The following TTC23L variants were observed in gnomAD, a reference collection of about 807,000 sequenced individuals.
The protein encoded by TTC23L is tetratricopeptide repeat protein 23-like.
Under a neutral mutation model 48.1 loss-of-function variants are expected in TTC23L, and 42 were observed. That is an observed-to-expected ratio of 0.87 (90% CI 0.68 to 1.13). The LOEUF (loss-of-function observed/expected upper bound fraction) is 1.13, where lower values mean the gene tolerates loss of function less well. Ranked by LOEUF, TTC23L falls within the 50% of genes most tolerant of loss-of-function variation. The pLI is 0.00. For synonymous variants in TTC23L, 159 were observed against 157.2 expected (o/e 1.01, Z -0.09); for missense variants, 391 against 421.0 (o/e 0.93, Z 0.62).
intron 4 of TTC23L, among the ~76,000 whole-genome samples, chr5:34,860,240 G>A (rs935263857): frequency 6.6e-6 from 1 of 152,060 alleles, no homozygotes; most frequent in African/African-American, 2.4e-5. Flanking sequence ...CCCCAGTGCA[G>A]CACACATACA....
the TTC23L span, chr5:34,924,883 C>T: frequency 1.9e-6 from 3 of 1,605,718 alleles, no homozygotes; most frequent in Middle Eastern, 1.6e-4. Flanking sequence ...AGAAATAGGA[C>T]CTCGTTTTGT....
chr5:34,911,550 G>A, the TTC23L span: 58 of 1,613,786 alleles, frequency 3.6e-5, no homozygotes, highest in South Asian at 5.8e-4. Context: ...CTGCTCTCAA[G>A]TACCTGAAAT....
At chr5:34,910,956 G>C in the TTC23L span, among the ~76,000 whole-genome samples, 2 of 152,142 alleles carry the variant, frequency 1.3e-5, no homozygotes, top group African/African-American at 4.8e-5. Context: ...GCCCTCCCTT[G>C]GGAAGCCAGC....
intron 9 of TTC23L, among the ~76,000 whole-genome samples, chr5:34,894,340 C>A (rs1763068521): frequency 3.9e-5 from 6 of 152,138 alleles, no homozygotes; most frequent in Middle Eastern, 3.4e-3. Context: ...ATAATATGGT[C>A]ATTCAAAGGC....
the TTC23L span, chr5:34,908,383 C>A: frequency 6.5e-6 from 1 of 153,842 alleles, no homozygotes; most frequent in African/African-American, 2.4e-5. Flanking sequence ...CCACGTTGGT[C>A]AGGCTGGTCT....
intron 2 of TTC23L, among the ~76,000 whole-genome samples, chr5:34,842,478 G>A (rs1041655221): frequency 2.6e-5 from 4 of 152,102 alleles, no homozygotes; most frequent in Non-Finnish European, 5.9e-5. Context: ...AAAGACAAGA[G>A]ACAAAAGAGT....
At chr5:34,922,374 A>C in the TTC23L span, 39 of 976,306 alleles carry the variant, frequency 4.0e-5, no homozygotes, top group Middle Eastern at 4.4e-4. Flanking sequence ...CTAGTGTTTC[A>C]TGTTAAGGGT....
intron 8 of TTC23L, among the ~76,000 whole-genome samples, chr5:34,878,462 C>T (rs144998217): frequency 1.8e-3 from 269 of 152,326 alleles, no homozygotes; most frequent in African/African-American, 6.4e-3. Flanking sequence ...ATAGATTCAA[C>T]TCAATTCCAA....
intron 10 of TTC23L, among the ~76,000 whole-genome samples, chr5:34,897,330 G>A (rs1580497845): frequency 6.6e-6 from 1 of 152,078 alleles, no homozygotes; most frequent in East Asian, 1.9e-4. Flanking sequence ...GTTGCAGTGA[G>A]CCGAGATTGT....
chr5:34,850,106 C>T, intron 3 of TTC23L, 79 bp from the exon 4 acceptor site: 1 of 1,502,074 alleles, frequency 6.7e-7, no homozygotes, highest in South Asian at 1.2e-5. Context: ...TGAATTCAGT[C>T]CTGTGTTCCA....
chr5:34,853,760 G>T (rs933933877), intron 4 of TTC23L, among the ~76,000 whole-genome samples: 1 of 152,196 alleles, frequency 6.6e-6, no homozygotes, highest in African/African-American at 2.4e-5. Context: ...AGAGACCCAT[G>T]GATTTGGCGG....
intron 9 of TTC23L, among the ~76,000 whole-genome samples, chr5:34,887,910 G>A (rs192812697): frequency 4.9e-4 from 74 of 152,320 alleles, no homozygotes; most frequent in African/African-American, 1.7e-3. Context: ...GTCAGTGTAA[G>A]GAGAGGCTCA....
chr5:34,918,330 T>G, the TTC23L span: 1 of 1,140,838 alleles, frequency 8.8e-7, no homozygotes, highest in East Asian at 2.4e-5. Flanking sequence ...CAGTATAAGA[T>G]TTTAAAATCT....
the TTC23L span, chr5:34,915,481 G>T: frequency 1.1e-3 from 457 of 415,916 alleles, 2 homozygotes; most frequent in African/African-American, 8.5e-3. Flanking sequence ...GAGCGAGGCG[G>T]CTCCGAGGAA....
At chr5:34,921,203 T>C in the TTC23L span, 1 of 152,230 alleles carries the variant, frequency 6.6e-6, no homozygotes, top group South Asian at 2.1e-4. Flanking sequence ...TTAATTAGAG[T>C]TTATGAATAC....
intron 7 of TTC23L, 21 bp from the exon 8 acceptor site, chr5:34,868,884 T>A: frequency 6.3e-7 from 1 of 1,579,486 alleles, no homozygotes; most frequent in South Asian, 1.2e-5. Flanking sequence ...GCTTACCTTG[T>A]CATGATTTTC....
At chr5:34,880,027 AC>A (rs539609135) in intron 8 of TTC23L, among the ~76,000 whole-genome samples, 153 bp from the exon 9 acceptor site, 25 of 152,134 alleles carry the variant, frequency 1.6e-4, no homozygotes, top group Non-Finnish European at 3.1e-4. Context: ...CAGCAAAAAA[AC>A]CACACATCTT....
At chr5:34,914,901 G>A in the TTC23L span, 2 of 1,613,994 alleles carry the variant, frequency 1.2e-6, no homozygotes, top group Middle Eastern at 3.3e-4. Context: ...ATCGTCCACT[G>A]CGCATTCGGC....
chr5:34,917,321 A>G, the TTC23L span, among the ~76,000 whole-genome samples: 1 of 152,196 alleles, frequency 6.6e-6, no homozygotes, highest in African/African-American at 2.4e-5. Flanking sequence ...TCTGGGAAGT[A>G]AGGATGTGAT....
Sources: allele counts gnomAD v4.1 joint callset (sites outside exome capture counted in the v4.1 genomes callset), GRCh38; gene constraint gnomAD v4.1.1; transcripts MANE v1.5; gene names NCBI Gene and HGNC (gene_info 2026-07-23, HGNC 2026-07-21).